NTRK3: variants seen among roughly 807,000 people sequenced by gnomAD.
NTRK3 encodes the protein NT-3 growth factor receptor.
NTRK3 carries 24 observed loss-of-function variants against 91.7 expected under a neutral mutation model. That is an observed-to-expected ratio of 0.26 (90% CI 0.19 to 0.37). The LOEUF is 0.37. Ranked by LOEUF, NTRK3 falls within the 10% of genes least tolerant of loss-of-function variation. NTRK3 has a pLI of 1.00. For missense variants in NTRK3, 880 were observed against 1,068.9 expected (o/e 0.82, Z 2.46); for synonymous variants, 483 against 404.0 (o/e 1.20, Z -2.34).
chr15:87,969,516 G>C (rs1250039542), intron 14 of NTRK3, among the ~76,000 whole-genome samples: 1 of 152,082 alleles, frequency 6.6e-6, no homozygotes, highest in Non-Finnish European at 1.5e-5. Flanking sequence ...TCAAGGCTGG[G>C]GCAGCTAAAT....
At chr15:88,015,445 AG>A (rs1197979511) in intron 14 of NTRK3, among the ~76,000 whole-genome samples, 5 of 151,962 alleles carry the variant, frequency 3.3e-5, no homozygotes, top group Admixed American at 6.6e-5. Context: ...GTGGCCTGGA[AG>A]GCCCTTCCTG....
intron 14 of NTRK3, among the ~76,000 whole-genome samples, chr15:88,003,567 C>T (rs1244039641): frequency 6.6e-6 from 1 of 152,128 alleles, no homozygotes; most frequent in Non-Finnish European, 1.5e-5. Flanking sequence ...ACATGGTTAC[C>T]AGGATGCAGA....
chr15:88,205,561 G>C lies in NTRK3; in HGVS notation c.249-21262C>G, dbSNP rs141805536. 4.2e-3 allele frequency among the ~76,000 whole-genome samples: 636 copies of C among 152,266 alleles called. 5 individuals are homozygous for C. Among genetic ancestry groups the C allele is most frequent in the African/African-American group, 0.014 (587 of 41,552 alleles). On this transcript the variant is annotated intron_variant, in intron 3 of 18. Transcript: ENST00000394480. ...GTATATCATCCTAGGGATACAGGAA[G>C]CCAGCCAGCCACAGCCCTCTATTTC...
chr15:88,151,856 G>C (rs575347339), intron 5 of NTRK3, among the ~76,000 whole-genome samples: 1 of 152,156 alleles, frequency 6.6e-6, no homozygotes, highest in Non-Finnish European at 1.5e-5. Context: ...GGTCCTCTGC[G>C]TCTCTGAGCT....
chr15:88,134,175 T>TCTC (rs527414595), intron 10 of NTRK3, among the ~76,000 whole-genome samples: 2 of 152,148 alleles, frequency 1.3e-5, no homozygotes, highest in Non-Finnish European at 2.9e-5. Flanking sequence ...AGACCAAAGG[T>TCTC]CTCCTAGTCA....
intron 5 of NTRK3, among the ~76,000 whole-genome samples, chr15:88,154,318 T>C (rs2043682872): frequency 1.3e-5 from 2 of 151,936 alleles, no homozygotes; most frequent in Non-Finnish European, 1.5e-5. Flanking sequence ...GTTGAAGCAG[T>C]GGGAAGGAAG....
intron 14 of NTRK3, among the ~76,000 whole-genome samples, chr15:87,966,763 C>T (rs1016067671): frequency 3.3e-5 from 5 of 152,106 alleles, no homozygotes; most frequent in African/African-American, 1.2e-4. Context: ...GTGCAGGCTC[C>T]AGATGGTCCC....
chr15:88,055,240 G>A lies in NTRK3; in HGVS notation c.1397-22195C>T, dbSNP rs181416578. Among the ~76,000 whole-genome samples, 470 of 152,254 alleles carry A rather than the reference G, an allele frequency of 3.1e-3. 2 individuals are homozygous for A. In the Middle Eastern group the frequency reaches 0.041, roughly 13 times the overall value. On this transcript the variant is annotated intron_variant, in intron 13 of 18. Transcript: ENST00000394480. ...CCTCCCCACCTCTCTATTGGAAAGA[G>A]ATTAAAGAAGATCTGTGCCACTTAA...
intron 13 of NTRK3, among the ~76,000 whole-genome samples, chr15:88,057,114 A>T (rs1398805045): frequency 2.0e-5 from 3 of 148,326 alleles, no homozygotes; most frequent in Non-Finnish European, 4.5e-5. Context: ...GCTTGCAGTG[A>T]GTCGAGATCG....
chr15:88,228,438 C>T (rs2050871547), intron 3 of NTRK3, among the ~76,000 whole-genome samples: 1 of 152,150 alleles, frequency 6.6e-6, no homozygotes, highest in Non-Finnish European at 1.5e-5. Context: ...TCCCCTTGCC[C>T]CCATACTACC....
At chr15:88,180,587 G>C (rs1167505027) in intron 5 of NTRK3, among the ~76,000 whole-genome samples, 1 of 149,762 alleles carries the variant, frequency 6.7e-6, no homozygotes, top group Non-Finnish European at 1.5e-5. Flanking sequence ...AGAACAACTT[G>C]ACCAATCTGA....
chr15:88,087,630 T>G (rs2048626891), intron 13 of NTRK3, among the ~76,000 whole-genome samples: 1 of 152,204 alleles, frequency 6.6e-6, no homozygotes, highest in African/African-American at 2.4e-5. Context: ...ATACATGGAC[T>G]TATGAGGGCT....
At chr15:88,232,285 C>G (rs962814838) in intron 3 of NTRK3, among the ~76,000 whole-genome samples, 2 of 151,128 alleles carry the variant, frequency 1.3e-5, no homozygotes, top group Non-Finnish European at 3.0e-5. Flanking sequence ...CCACTGCATC[C>G]TCTTCTATCG....
chr15:87,922,087 C>G (rs554555561), intron 17 of NTRK3, among the ~76,000 whole-genome samples: 2 of 152,192 alleles, frequency 1.3e-5, no homozygotes, highest in South Asian at 2.1e-4. Context: ...ATGGTGGAAC[C>G]CTGTGATCCT....
chr15:88,213,574 G>A (rs191924376), intron 3 of NTRK3, among the ~76,000 whole-genome samples: 89 of 152,320 alleles, frequency 5.8e-4, no homozygotes, highest in Non-Finnish European at 1.1e-3. Context: ...GTTCAGAAGC[G>A]GGAGTGTAGA....
intron 8 of NTRK3, 25 bp from the exon 9 acceptor site, chr15:88,136,065 C>CA (rs763688236): frequency 6.2e-7 from 1 of 1,614,102 alleles, no homozygotes; most frequent in South Asian, 1.1e-5. Flanking sequence ...AAAAAGATAA[C>CA]AATCAGATAG....
At chr15:87,942,594 A>G (rs1257354044) in intron 14 of NTRK3, among the ~76,000 whole-genome samples, 1 of 152,162 alleles carries the variant, frequency 6.6e-6, no homozygotes, top group Non-Finnish European at 1.5e-5. Context: ...TGGCAGCTGT[A>G]CAATGTCAAG....
At chr15:88,019,492 T>G (rs2077461942) in intron 14 of NTRK3, among the ~76,000 whole-genome samples, 1 of 152,180 alleles carries the variant, frequency 6.6e-6, no homozygotes, top group South Asian at 2.1e-4. Flanking sequence ...GAGCTTAAAG[T>G]GCTTGGGGGT....
At chr15:88,118,578 A>G (rs1017779037) in intron 13 of NTRK3, among the ~76,000 whole-genome samples, 1 of 152,230 alleles carries the variant, frequency 6.6e-6, no homozygotes, top group African/African-American at 2.4e-5. Flanking sequence ...ATAAATTACT[A>G]AAGTTTGTGA....
Sources: allele counts gnomAD v4.1 joint callset (sites outside exome capture counted in the v4.1 genomes callset), GRCh38; gene constraint gnomAD v4.1.1; transcripts MANE v1.5; gene names NCBI Gene and HGNC (gene_info 2026-07-23, HGNC 2026-07-21).